KCNH3: variants seen among roughly 807,000 people sequenced by gnomAD.
The protein encoded by KCNH3 is potassium voltage-gated channel subfamily H member 3.
A neutral mutation model predicts 95.6 loss-of-function variants in KCNH3; 36 were observed. The ratio of observed to expected loss-of-function variants is 0.38; its 90% CI spans 0.29 to 0.50. The LOEUF (loss-of-function observed/expected upper bound fraction) is 0.50. Among genes scored for constraint, KCNH3 ranks in the 20% least tolerant of loss-of-function variants. KCNH3 has a pLI of 0.95. For missense variants in KCNH3, 1,030 were observed against 1,484.1 expected (o/e 0.69, Z 5.03); for synonymous variants, 620 against 646.3 (o/e 0.96, Z 0.62).
intron 10 of KCNH3, among the ~76,000 whole-genome samples, chr12:49,553,357 G>A (rs1938328052): frequency 6.6e-6 from 1 of 152,108 alleles, no homozygotes; most frequent in African/African-American, 2.4e-5. Flanking sequence ...ATGTTGCCCA[G>A]GCTGGTCTCA....
intron 10 of KCNH3, among the ~76,000 whole-genome samples, chr12:49,551,568 C>CT (rs1938259779): frequency 8.5e-6 from 1 of 117,746 alleles, no homozygotes; most frequent in East Asian, 2.4e-4. Context: ...AAGCGAGACT[C>CT]TGTCTCAAAA....
At position 49,542,834 on chromosome 12, in the gene KCNH3, A is replaced by G; in HGVS notation, c.574A>G (p.Asn192Asp). ...GCAGCCCAAGGGCAAGCACAAGCTC[A>G]ATAAGGTGGGCTCAGCCCTGGGATG... is the stretch of plus-strand genomic sequence containing the variant. ...QKQPKGKHKL[N>D]KGVFGEKPNL... The change falls in exon 4 of 15, where the codon AAT becomes GAT. Residue 192 changes from asparagine to aspartate, a missense_variant. Asn to Asp is a conservative substitution (Grantham distance 23). Around this residue, in one of 9 missense-constraint regions of KCNH3, gnomAD observed 92 missense variants for 92.7 expected, o/e 0.99. Transcript: ENST00000257981. 1 of 1,606,342 alleles carries G rather than the reference A, an allele frequency of 6.2e-7. No homozygotes were observed. The highest frequency in any genetic ancestry group is 8.5e-7 in the Non-Finnish European group (1 of 1,177,152).
intron 2 of KCNH3, among the ~76,000 whole-genome samples, chr12:49,541,370 G>T (rs566964413): frequency 6.6e-6 from 1 of 152,078 alleles, no homozygotes; most frequent in Non-Finnish European, 1.5e-5. Flanking sequence ...CGGGTTTCCC[G>T]CATCCAACAG....
At chr12:49,544,145 T>TACCAAACA in intron 6 of KCNH3, 30 bp from the exon 7 acceptor site, 1 of 818,368 alleles carries the variant, frequency 1.2e-6, no homozygotes, top group Non-Finnish European at 2.0e-6. Flanking sequence ...CTGACCTCCC[T>TACCAAACA]CCCTCCCTCC....
chr12:49,541,514 C>T (rs1276702888), intron 2 of KCNH3, 116 bp from the exon 3 acceptor site: 1 of 1,272,064 alleles, frequency 7.9e-7, no homozygotes, highest in Admixed American at 2.2e-5. Context: ...GCCCTTCCCC[C>T]AGGAAACCGC....
In KCNH3 at chr12:49,555,869, G is replaced by A. The variant is rs758363797; in HGVS notation, c.2386G>A (p.Gly796Ser). 66 of 1,609,674 alleles carry A rather than the reference G, an allele frequency of 4.1e-5. No homozygotes were observed. Among genetic ancestry groups the A allele is most frequent in the Non-Finnish European group, 4.8e-5 (57 of 1,178,060 alleles). The change falls in exon 12 of 15, where the codon GGC becomes AGC. Residue 796 changes from glycine to serine, a missense_variant. Physicochemically the swap from Gly to Ser is moderately conservative, Grantham distance 56 (BLOSUM62 0). Transcript: ENST00000257981. The part of the protein sequence containing the change: ...GRAGALKAEA[G>S]PSAPPRALEG... The stretch of plus-strand genomic sequence containing the variant: ...GGCAGGGGCTTTGAAGGCTGAGGCT[G>A]GCCCCTCTGCTCCCCCACGGGCCCT...
At chr12:49,547,170 T>C (rs1938090426) in intron 7 of KCNH3, among the ~76,000 whole-genome samples, 1 of 152,148 alleles carries the variant, frequency 6.6e-6, no homozygotes, top group African/African-American at 2.4e-5. Flanking sequence ...TGGGATTACA[T>C]GCATGAGCCA....
intron 7 of KCNH3, among the ~76,000 whole-genome samples, chr12:49,546,403 A>C (rs1160970943): frequency 6.7e-6 from 1 of 149,856 alleles, no homozygotes; most frequent in Non-Finnish European, 1.5e-5. Flanking sequence ...CTCCAAGTCC[A>C]GCCCTGGCAG....
Position 49,557,599 on chromosome 12 carries a change from G to T in KCNH3, c.2898G>T (p.Pro966=). Reference sequence around the variant, plus strand: ...GTGGGACTTGGCCCCACCCTCGTCCGGGGCCTCCTCCCCTCATGGCACCCT... The same window carrying T: ...GTGGGACTTGGCCCCACCCTCGTCCTGGGCCTCCTCCCCTCATGGCACCCT... ...VLSGTWPHPR[P]GPPPLMAPWP... The change falls in exon 15 of 15, where the codon CCG becomes CCT. Residue 966 remains proline (P), a synonymous_variant. Coordinates refer to ENST00000257981, the MANE Select transcript of KCNH3 (RefSeq NM_012284.3). 6.2e-7 allele frequency: 1 copy of T among 1,613,070 alleles called. No individual in the cohort carries two copies. Among genetic ancestry groups the T allele is most frequent in the Non-Finnish European group, 8.5e-7 (1 of 1,179,904 alleles).
intron 7 of KCNH3, 90 bp from the exon 8 acceptor site, chr12:49,548,804 TG>T: frequency 7.4e-7 from 1 of 1,347,160 alleles, no homozygotes; most frequent in Non-Finnish European, 9.9e-7. Context: ...GCCATGGGGC[TG>T]GGTCTGTGTC....
chr12:49,555,911 C>T lies in KCNH3; in HGVS notation c.2428C>T (p.Pro810Ser). The T allele has an allele frequency of 6.3e-7, 1 of 1,581,636 alleles. No homozygotes were observed. Among genetic ancestry groups the T allele is most frequent in the Non-Finnish European group, 8.6e-7 (1 of 1,159,482 alleles). ...PPRALEGLRL[P>S]PMPWNVPPDL... ...ACGGGCCCTAGAGGGGCTACGGCTG[C>T]CCCCCATGCCATGGAATGTGCCCCC... Residue 810 changes from proline (P) to serine (S), a missense_variant, in exon 12 of 15, where the codon CCC becomes TCC. By Grantham distance (74) the Pro-to-Ser change is moderately conservative. Around this residue, in one of 9 missense-constraint regions of KCNH3, gnomAD observed 464 missense variants for 493.2 expected, o/e 0.94. Coordinates refer to ENST00000257981, the MANE Select transcript of KCNH3 (RefSeq NM_012284.3).
In KCNH3 at chr12:49,549,159, C is replaced by T. The variant is rs1490155817; in HGVS notation, c.1454C>T (p.Thr485Ile). The T allele has an allele frequency of 6.3e-7, 1 of 1,594,234 alleles. No individual in the cohort carries two copies. The highest frequency in any genetic ancestry group is 2.2e-5 in the East Asian group (1 of 44,462). ...TDTEKIFSIC[T>I]MLIGALMHAV... ...ACCGAGAAGATCTTCTCCATCTGCA[C>T]CATGCTCATCGGCGGTGAGCCCGGC... Residue 485 changes from threonine (T) to isoleucine (I), a missense_variant, in exon 8 of 15, where the codon ACC becomes ATC. Thr to Ile is a moderately conservative substitution (Grantham distance 89). This residue lies in a region of KCNH3 where 13 missense variants were observed against 64.5 expected (regional missense o/e 0.20). Coordinates refer to ENST00000257981, the MANE Select transcript of KCNH3 (RefSeq NM_012284.3).
chr12:49,542,433 G>A (rs1937902354), intron 3 of KCNH3, among the ~76,000 whole-genome samples: 1 of 152,326 alleles, frequency 6.6e-6, no homozygotes, highest in African/African-American at 2.4e-5. Flanking sequence ...CCTGTCCCAG[G>A]CCTTTCCCCG....
intron 14 of KCNH3, 43 bp downstream of exon 14, chr12:49,557,302 A>G (rs1938502227): frequency 6.2e-7 from 1 of 1,613,674 alleles, no homozygotes; most frequent in East Asian, 2.2e-5. Flanking sequence ...CACCAGGGGA[A>G]GGCACTCCAT....
Position 49,544,282 on chromosome 12 carries a change from C to T in KCNH3, c.1089C>T (p.Leu363=). The stretch of plus-strand genomic sequence containing the variant: ...ACAGCGCCGTGGTGCTGACACTGCT[C>T]ATGGCCGTGTTCGCCCTGCTCGCGC... ...SQYSAVVLTL[L]MAVFALLAHW... is the part of the protein sequence containing the mutation. Residue 363 remains leucine (L), a synonymous_variant, in exon 7 of 15, where the codon CTC becomes CTT. Coordinates refer to ENST00000257981, the MANE Select transcript of KCNH3 (RefSeq NM_012284.3). 4 of 1,611,310 alleles carry T rather than the reference C, an allele frequency of 2.5e-6. No homozygotes were observed. The highest frequency in any genetic ancestry group is 3.4e-6 in the Non-Finnish European group (4 of 1,179,494).
chr12:49,555,344 G>T (rs1938399609), intron 11 of KCNH3, among the ~76,000 whole-genome samples: 1 of 150,822 alleles, frequency 6.6e-6, no homozygotes, highest in African/African-American at 2.4e-5. Flanking sequence ...CCCAGCTACA[G>T]GCTGAGGCAG....
Position 49,543,630 on chromosome 12 carries a change from T to C in KCNH3, c.823+112T>C, listed in dbSNP as rs1313921153. 1.0e-5 allele frequency: 14 copies of C among 1,394,870 alleles called. No individual in the cohort carries two copies. The East Asian group carries it at 2.8e-4, about 28-fold the overall frequency. 86.4% of individuals were successfully genotyped at this position (1,394,870 alleles called of 1,614,324 possible). ...ACAGTGCCCCCCTCGCTCTCTCTCA[T>C]TTGTAACCTGTGAGCTTTGAAATCA... On this transcript the variant is annotated intron_variant, in intron 5 of 14. Coordinates refer to ENST00000257981, the MANE Select transcript of KCNH3 (RefSeq NM_012284.3).
rs1458828846 is a variant in KCNH3, at chr12:49,539,618, C to T, written c.76+126C>T. On this transcript the variant is annotated intron_variant, in intron 1 of 14. Coordinates refer to ENST00000257981, the MANE Select transcript of KCNH3 (RefSeq NM_012284.3). The surrounding 1 kb of genome is among the most constrained non-coding windows in gnomAD (Gnocchi z 6.7). ...TCTCACCCTCTCCTCCCTACCCGCC[C>T]CTCTTGAGGCTGGGGCCATCGTCTC... 5 of 769,626 alleles carry T rather than the reference C, an allele frequency of 6.5e-6. No homozygotes were observed. Among genetic ancestry groups the T allele is most frequent in the African/African-American group, 3.7e-5 (2 of 53,450 alleles). The allele number at this position is 769,626 out of a possible 1,614,324, so 47.7% of individuals were successfully genotyped here.
At chr12:49,548,095 C>T (rs932824241) in intron 7 of KCNH3, among the ~76,000 whole-genome samples, 5 of 146,614 alleles carry the variant, frequency 3.4e-5, no homozygotes, top group Admixed American at 2.0e-4. Flanking sequence ...CCTGTGACTA[C>T]GTGTGTGTGT....
Sources: allele counts gnomAD v4.1 joint callset (sites outside exome capture counted in the v4.1 genomes callset), GRCh38; gene constraint gnomAD v4.1.1; regional missense constraint gnomAD v4.1.1; non-coding constraint Gnocchi (gnomAD v3.1); transcripts MANE v1.5; gene names NCBI Gene and HGNC (gene_info 2026-07-23, HGNC 2026-07-21).